Variants in ATG9B observed in about 807,000 individuals in gnomAD.
The protein encoded by ATG9B is autophagy related 9B.
In ATG9B, 92 loss-of-function variants were observed where a neutral mutation model predicts 92.9. That is an observed-to-expected ratio of 0.99 (90% CI 0.84 to 1.18). The LOEUF is 1.18. ATG9B is among the 50% of genes most tolerant of loss of function. The pLI, the probability that ATG9B is intolerant of heterozygous loss-of-function variation, is 0.00. For missense variants in ATG9B, 1,344 were observed against 1,235.0 expected, an observed-to-expected ratio of 1.09 and a Z score of -1.32; for synonymous variants, 599 against 551.4, an observed-to-expected ratio of 1.09 and a Z score of -1.21.
At position 151,019,385 on chromosome 7, in the gene ATG9B, C is replaced by A; in HGVS notation, c.964-11G>T. On this transcript the variant is annotated splice_polypyrimidine_tract_variant and intron_variant, in intron 5 of 13. Transcript: ENST00000639579. ...CGAGCTCAGCTCCTCCTGAAAGGGG[C>A]ACTGATGAGAGCCAGCGACCCCCCA... The A allele has an allele frequency of 6.6e-7, 1 of 1,506,778 alleles. No individual in the cohort carries two copies. 93.3% of individuals were successfully genotyped at this position (1,506,778 alleles called of 1,614,324 possible). A position where few individuals can be genotyped will look rare whatever the true frequency, so the allele number is the denominator to read the frequency against.
At position 151,018,457 on chromosome 7, in the gene ATG9B, G is replaced by A; in HGVS notation, c.1719-10C>T. ...TTCCGGAATGAAAGACCTGAAAGGC[G>A]GGATCCGTGGGGGGAAGGGGCCTGC... is the stretch of plus-strand genomic sequence containing the variant. On this transcript the variant is annotated splice_polypyrimidine_tract_variant and intron_variant, in intron 6 of 13. Transcript: ENST00000639579. This position sits in a 1 kb window ranked among gnomAD's most constrained non-coding sequence, Gnocchi z 4.7. 6.6e-7 allele frequency: 1 copy of A among 1,521,966 alleles called. No homozygotes were observed. Among genetic ancestry groups the A allele is most frequent in the Non-Finnish European group, 8.8e-7 (1 of 1,135,836 alleles). The allele number at this position is 1,521,966 out of a possible 1,614,324, so 94.3% of individuals were successfully genotyped here.
chr7:151,014,349 G>A (rs1248572703), downstream of ATG9B: 16 of 688,054 alleles, frequency 2.3e-5, no homozygotes, highest in Non-Finnish European at 3.7e-5. Flanking sequence ...TCCCTCTCTA[G>A]GCCTGTTGCC....
chr7:151,018,811 G>A lies in ATG9B; in HGVS notation c.1527C>T (p.Pro509=). Residue 509 remains proline (P), a synonymous_variant, in exon 6 of 14, where the codon CCC becomes CCT. Coordinates refer to ENST00000639579, the MANE Select transcript of ATG9B (RefSeq NM_001317056.2). This position sits in a 1 kb window ranked among gnomAD's most constrained non-coding sequence, Gnocchi z 4.7. ...LRARLARAYR[P]AAAFLRTAAP... ...CAGCGGTGCGCAGGAAGGCGGCGGC[G>A]GGGCGGTAGGCGCGGGCCAGGCGCG... The A allele has an allele frequency of 2.3e-6, 3 of 1,293,314 alleles. No individual in the cohort carries two copies. Among genetic ancestry groups the A allele is most frequent in the Non-Finnish European group, 2.9e-6 (3 of 1,023,490 alleles). The allele number at this position is 1,293,314 out of a possible 1,614,324, so 80.1% of individuals were successfully genotyped here. A position where few individuals can be genotyped will look rare whatever the true frequency, so the allele number is the denominator to read the frequency against.
At position 151,018,028 on chromosome 7, in the gene ATG9B, A is replaced by G; in HGVS notation, c.1895T>C (p.Leu632Pro). ...YRAVSLLEEL[L>P]SPLLTPLFLL... ...AAACAGCGGGGTGAGGAGCGGGGAC[A>G]GGAGCTCCTCCAGGAGGGAGACCTG... The change falls in exon 8 of 14, where the codon CTG (leucine) becomes CCG (proline). Residue 632 changes from leucine (L) to proline (P), a missense_variant. Coordinates refer to ENST00000639579, the MANE Select transcript of ATG9B (RefSeq NM_001317056.2). This position sits in a 1 kb window ranked among gnomAD's most constrained non-coding sequence, Gnocchi z 4.7. 1 of 1,595,240 alleles carries G rather than the reference A, an allele frequency of 6.3e-7. No homozygotes were observed. Among genetic ancestry groups the G allele is most frequent in the Non-Finnish European group, 8.5e-7 (1 of 1,170,362 alleles).
At chr7:151,013,396 G>A (rs976375458), downstream of ATG9B, 1 of 1,604,492 alleles carries the variant, frequency 6.2e-7, no homozygotes, top group African/African-American at 1.3e-5. Context: ...GACCCTGAGG[G>A]CGCAATGGTA....
intron 8 of ATG9B, 121 bp from the exon 9 acceptor site, chr7:151,017,393 C>T: frequency 1.0e-6 from 1 of 984,304 alleles, no homozygotes; most frequent in Non-Finnish European, 1.5e-6. Flanking sequence ...GACTTGTTCA[C>T]CATCACCCAA....
Position 151,024,417 on chromosome 7 carries a change from T to C in ATG9B, c.7A>G (p.Ser3Gly). Residue 3 changes from serine (S) to glycine (G), a missense_variant, in exon 1 of 14, where the codon AGC becomes GGC. By Grantham distance (56) the Ser-to-Gly change is moderately conservative. Coordinates refer to ENST00000639579, the MANE Select transcript of ATG9B (RefSeq NM_001317056.2). MV[S>G]RMGWGGRRRR... The stretch of plus-strand genomic sequence containing the variant: ...CTTCTCCCCCCCCAGCCCATTCGGC[T>C]CACCATCAGGCCACGGCTTCTCCAG... 1 of 1,358,704 alleles carries C rather than the reference T, an allele frequency of 7.4e-7. No individual in the cohort carries two copies. The allele number at this position is 1,358,704 out of a possible 1,614,324, so 84.2% of individuals were successfully genotyped here.
In ATG9B at chr7:151,018,996, C is replaced by T. The variant is rs1296162490; in HGVS notation, c.1342G>A (p.Ala448Thr). The T allele has an allele frequency of 6.4e-7, 1 of 1,573,406 alleles. No homozygotes were observed. The highest frequency in any genetic ancestry group is 8.6e-7 in the Non-Finnish European group (1 of 1,164,744). ...CAGGCCAGCACCAGCGGGCTCAGCG[C>T]CAGGTTCAGGGCGGCCAGCAGCAGC... ...TVLLLAALNL[A>T]LSPLVLAWQV... Residue 448 changes from alanine to threonine, a missense_variant, in exon 6 of 14, where the codon GCG (alanine) becomes ACG (threonine). Transcript: ENST00000639579. The surrounding 1 kb of genome is among the most constrained non-coding windows in gnomAD (Gnocchi z 4.7).
chr7:151,013,614 C>T, downstream of ATG9B: 1 of 1,137,498 alleles, frequency 8.8e-7, no homozygotes, highest in Non-Finnish European at 1.2e-6. Flanking sequence ...GCACGCAGGC[C>T]CCACCAGGCC....
chr7:151,018,438 A>G lies in ATG9B; in HGVS notation c.1728T>C (p.Ile576=), dbSNP rs751334398. 5 of 1,526,320 alleles carry G rather than the reference A, an allele frequency of 3.3e-6. No homozygotes were observed. 94.5% of individuals were successfully genotyped at this position (1,526,320 alleles called of 1,614,324 possible). A position where few individuals can be genotyped will look rare whatever the true frequency, so the allele number is the denominator to read the frequency against. The change falls in exon 7 of 14, where the codon ATT becomes ATC. Residue 576 remains isoleucine, a synonymous_variant. Coordinates refer to ENST00000639579, the MANE Select transcript of ATG9B (RefSeq NM_001317056.2). This position sits in a 1 kb window ranked among gnomAD's most constrained non-coding sequence, Gnocchi z 4.7. Reference sequence around the variant, plus strand: ...CACGACCCTGGCACTGCTCTTCCGGAATGAAAGACCTGAAAGGCGGGATCC... The same window carrying G: ...CACGACCCTGGCACTGCTCTTCCGGGATGAAAGACCTGAAAGGCGGGATCC... ...GVTATVARSF[I]PEEQCQGRAP...
rs1795632062 is a variant in ATG9B at position 151,018,872 on chromosome 7, A to C, written c.1466T>G (p.Leu489Arg). 1 of 1,368,546 alleles carries C rather than the reference A, an allele frequency of 7.3e-7. No homozygotes were observed. The highest frequency in any genetic ancestry group is 9.4e-7 in the Non-Finnish European group (1 of 1,067,856). The allele number at this position is 1,368,546 out of a possible 1,614,324, so 84.8% of individuals were successfully genotyped here. A position where few individuals can be genotyped will look rare whatever the true frequency, so the allele number is the denominator to read the frequency against. The part of the protein sequence containing the change: ...RGWSRLARLQ[L>R]RHFNELPHEL... ...GTGCGGCAGCTCGTTGAAGTGGCGC[A>C]GCTGCAAGCGCGCCAGGCGGGACCA... is the stretch of plus-strand genomic sequence containing the variant. Residue 489 changes from leucine to arginine, a missense_variant, in exon 6 of 14, where the codon CTG becomes CGG. By Grantham distance (102) the Leu-to-Arg change is moderately radical. Transcript: ENST00000639579. This position sits in a 1 kb window ranked among gnomAD's most constrained non-coding sequence, Gnocchi z 4.7.
downstream of ATG9B, chr7:151,012,568 G>T: frequency 1.4e-6 from 2 of 1,424,198 alleles, no homozygotes; most frequent in South Asian, 2.7e-5. Flanking sequence ...AGAGAGGGCA[G>T]GAAACAAAGT....
rs2117180742 is a variant in ATG9B, at chr7:151,024,177, C to A, written c.247G>T (p.Ala83Ser). 3 of 1,548,384 alleles carry A rather than the reference C, an allele frequency of 1.9e-6. No homozygotes were observed. Among genetic ancestry groups the A allele is most frequent in the African/African-American group, 1.4e-5 (1 of 73,172 alleles). ...PPCSVLQGTG[A>S]SQSCHSALPI... ...AGAGCACTGTGGCAAGACTGAGAAGCCCCTGTCCCCTGTAGCACTGAGCAA... is the reference window on the plus strand; with the variant it reads ...AGAGCACTGTGGCAAGACTGAGAAGACCCTGTCCCCTGTAGCACTGAGCAA... Residue 83 changes from alanine (A) to serine (S), a missense_variant, in exon 1 of 14, where the codon GCT becomes TCT. Ala to Ser is a moderately conservative substitution (Grantham distance 99, BLOSUM62 1). Transcript: ENST00000639579.
chr7:151,014,794 A>G (rs1795414941), downstream of ATG9B: 1 of 152,034 alleles, frequency 6.6e-6, no homozygotes, highest in Admixed American at 6.6e-5. Context: ...TTTTTAGTAA[A>G]GACGGGGTTT....
chr7:151,019,669 T>G (rs1427321656), intron 5 of ATG9B, among the ~76,000 whole-genome samples: 1 of 152,202 alleles, frequency 6.6e-6, no homozygotes, highest in East Asian at 1.9e-4. Context: ...CGCCTCCAGG[T>G]GCTGGACCTG....
In ATG9B at chr7:151,018,243, C is replaced by T; in HGVS notation, c.1872+51G>A. The stretch of plus-strand genomic sequence containing the variant: ...CCTCCGCGCAGACAGACCCTCCGCG[C>T]AGACAGACCCCACAACTTCCTCCTC... On this transcript the variant is annotated intron_variant, in intron 7 of 13. Coordinates refer to ENST00000639579, the MANE Select transcript of ATG9B (RefSeq NM_001317056.2). The surrounding 1 kb of genome is among the most constrained non-coding windows in gnomAD (Gnocchi z 4.7). The T allele has an allele frequency of 6.6e-7, 1 of 1,507,936 alleles. No homozygotes were observed. Among genetic ancestry groups the T allele is most frequent in the South Asian group, 1.3e-5 (1 of 75,940 alleles). 93.4% of individuals were successfully genotyped at this position (1,507,936 alleles called of 1,614,324 possible).
Position 151,024,041 on chromosome 7 carries a change from G to C in ATG9B, c.383C>G (p.Thr128Ser), listed in dbSNP as rs1795857062. The change falls in exon 1 of 14, where the codon ACT (threonine) becomes AGT (serine). Residue 128 changes from threonine to serine, a missense_variant. Thr to Ser is a moderately conservative substitution (Grantham distance 58, BLOSUM62 1). Coordinates refer to ENST00000639579, the MANE Select transcript of ATG9B (RefSeq NM_001317056.2). ...STPPLAPATP[T>S]PSQQCPQDSP... ...GTCCTGGGGGCACTGCTGTGAGGGA[G>C]TGGGGGTTGCCGGGGCCAGGGGTGG... 1 of 1,590,488 alleles carries C rather than the reference G, an allele frequency of 6.3e-7. No individual in the cohort carries two copies. The highest frequency in any genetic ancestry group is 8.6e-7 in the Non-Finnish European group (1 of 1,168,550).
At position 151,019,162 on chromosome 7, in the gene ATG9B, G is replaced by A; in HGVS notation, c.1176C>T (p.Leu392=). Residue 392 remains leucine, a synonymous_variant, in exon 6 of 14, where the codon CTC becomes CTT. Transcript: ENST00000639579. ...PLPWGGSAAF[L]SRGLALNVDL... Reference sequence around the variant, plus strand: ...CGACATTGAGCGCCAGGCCGCGGCTGAGGAAAGCCGCACTGCCTCCCCAGG... The same window carrying A: ...CGACATTGAGCGCCAGGCCGCGGCTAAGGAAAGCCGCACTGCCTCCCCAGG... The A allele has an allele frequency of 1.3e-6, 2 of 1,536,448 alleles. No homozygotes were observed. Among genetic ancestry groups the A allele is most frequent in the Non-Finnish European group, 1.7e-6 (2 of 1,146,634 alleles).
Position 151,023,919 on chromosome 7 carries a change from C to T in ATG9B, c.505G>A (p.Gly169Arg), listed in dbSNP as rs375073487. ...TGAAGCAGGGGTTGCTGCTCCTCCCCGTGGATGGGTGAGTCTTGGGACCCC... is the reference window on the plus strand; with the variant it reads ...TGAAGCAGGGGTTGCTGCTCCTCCCTGTGGATGGGTGAGTCTTGGGACCCC... ...PEGSQDSPIH[G>R]EEQQPLLHVP... Residue 169 changes from glycine to arginine, a missense_variant, in exon 1 of 14, where the codon GGG becomes AGG. By Grantham distance (125) the Gly-to-Arg change is moderately radical. Transcript: ENST00000639579. 2.0e-5 allele frequency: 32 copies of T among 1,600,180 alleles called. No individual in the cohort carries two copies. Among genetic ancestry groups the T allele is most frequent in the Admixed American group, 1.7e-4 (10 of 58,012 alleles).
Sources: allele counts gnomAD v4.1 joint callset (sites outside exome capture counted in the v4.1 genomes callset), GRCh38; gene constraint gnomAD v4.1.1; non-coding constraint Gnocchi (gnomAD v3.1); transcripts MANE v1.5; gene names NCBI Gene and HGNC (gene_info 2026-07-23, HGNC 2026-07-21).